Variants in TNXB observed in about 807,000 individuals in gnomAD.
The protein encoded by TNXB is tenascin-X.
TNXB carries 183 observed loss-of-function variants against 340.5 expected under a neutral mutation model. That is an observed-to-expected ratio of 0.54 (90% CI 0.48 to 0.61). TNXB has a LOEUF of 0.61. TNXB is among the 20% of genes least tolerant of loss of function. The probability of loss-of-function intolerance (pLI) is 0.00; values close to 1 mark genes in which losing one functional copy is unlikely to be tolerated. For missense variants in TNXB, 4,613 were observed against 5,446.4 expected, an observed-to-expected ratio of 0.85 and a Z score of 4.82; for synonymous variants, 2,121 against 2,314.5, an observed-to-expected ratio of 0.92 and a Z score of 2.40.
Position 32,087,298 on chromosome 6 carries a change from A to G in TNXB, c.2780-1180T>C. 2.0e-6 allele frequency: 1 copy of G among 499,016 alleles called. No individual in the cohort carries two copies. The highest frequency in any genetic ancestry group is 1.5e-5 in the South Asian group (1 of 68,340). 30.9% of individuals were successfully genotyped at this position (499,016 alleles called of 1,614,324 possible). On this transcript the variant is annotated intron_variant, in intron 6 of 43. Coordinates refer to ENST00000644971, the MANE Select transcript of TNXB (RefSeq NM_001365276.2). The surrounding 1 kb of genome is among the most constrained non-coding windows in gnomAD (Gnocchi z 9.0). ...GGACTTGGAGGTCTGCCCCGCCCGC[A>G]CCCCGTGGACCTCCACGTGGTAGGT...
At chr6:32,048,265 G>A (rs954658262) in intron 29 of TNXB, 98 bp downstream of exon 29, 1 of 1,307,030 alleles carries the variant, frequency 7.7e-7, no homozygotes. Context: ...ATCAGTGGGT[G>A]CTGAGGACTG....
rs773053291 is a variant in TNXB at position 32,087,915 on chromosome 6, G to T, written c.2779+870C>A. 2 of 341,112 alleles carry T rather than the reference G, an allele frequency of 5.9e-6. No homozygotes were observed. The highest frequency in any genetic ancestry group is 1.1e-5 in the Non-Finnish European group (2 of 177,076). 21.1% of individuals were successfully genotyped at this position (341,112 alleles called of 1,614,324 possible). On this transcript the variant is annotated intron_variant, in intron 6 of 43. Transcript: ENST00000644971. This position sits in a 1 kb window ranked among gnomAD's most constrained non-coding sequence, Gnocchi z 9.0. Reference sequence around the variant, plus strand: ...GCCAAGGGGGCCGTGGGGGCCGCGGGGCTGGGGCTGGCCGGGGCCGGGACT... The same window carrying T: ...GCCAAGGGGGCCGTGGGGGCCGCGGTGCTGGGGCTGGCCGGGGCCGGGACT...
chr6:32,107,947 G>C (rs1781060335), intron 1 of TNXB, among the ~76,000 whole-genome samples: 1 of 152,184 alleles, frequency 6.6e-6, no homozygotes, highest in Admixed American at 6.5e-5. Flanking sequence ...GGAGGGGTAG[G>C]TTGGGGAATC....
rs559819849 is a variant in TNXB at position 32,052,737 on chromosome 6, G to A, written c.9048C>T (p.Tyr3016=). 1 of 1,613,798 alleles carries A rather than the reference G, an allele frequency of 6.2e-7. No individual in the cohort carries two copies. The highest frequency in any genetic ancestry group is 2.2e-5 in the East Asian group (1 of 44,860). The change falls in exon 26 of 44, where the codon TAC becomes TAT. Residue 3016 remains tyrosine, a synonymous_variant. Transcript: ENST00000644971. This position sits in a 1 kb window ranked among gnomAD's most constrained non-coding sequence, Gnocchi z 4.7. ...CGTGGAGGCCGTACAGGTGCATCTT[G>A]TATTTGCACCCGGGCTCCAGGCCCC... The part of the protein sequence containing the change: ...TVGGLEPGCK[Y]KMHLYGLHEG...
At position 32,099,865 on chromosome 6, in the gene TNXB, C is replaced by T. The variant is rs1390538184; in HGVS notation, c.-8-1659G>A. Among the ~76,000 whole-genome samples the T allele has an allele frequency of 2.7e-5, 4 of 147,644 alleles. No homozygotes were observed. The East Asian group carries it at 6.0e-4, about 22-fold the overall frequency. On this transcript the variant is annotated intron_variant, in intron 1 of 43. Transcript: ENST00000644971. Reference sequence around the variant, plus strand: ...CACACATATGTGGTCAACTAATTAACGACAAAAGTGCCCCTGCAGTTAAGA... The same window carrying T: ...CACACATATGTGGTCAACTAATTAATGACAAAAGTGCCCCTGCAGTTAAGA...
At chr6:32,077,658 T>C (rs566504381) in intron 11 of TNXB, among the ~76,000 whole-genome samples, 1 of 152,328 alleles carries the variant, frequency 6.6e-6, no homozygotes, top group Admixed American at 6.5e-5. Flanking sequence ...GATGTGGCCC[T>C]GTAACCAGGC....
intron 11 of TNXB, among the ~76,000 whole-genome samples, chr6:32,076,608 G>A (rs1159508540): frequency 1.3e-5 from 2 of 152,200 alleles, no homozygotes; most frequent in Non-Finnish European, 2.9e-5. Context: ...ACCTTTAACC[G>A]TGACAACAAG....
Position 32,065,000 on chromosome 6 carries a change from A to C in TNXB, c.6662T>G (p.Phe2221Cys). 1 of 1,612,422 alleles carries C rather than the reference A, an allele frequency of 6.2e-7. No homozygotes were observed. The highest frequency in any genetic ancestry group is 8.5e-7 in the Non-Finnish European group (1 of 1,179,662). Residue 2221 changes from phenylalanine to cysteine, a missense_variant, in exon 19 of 44, where the codon TTT becomes TGT. Phe to Cys is a radical substitution (Grantham distance 205). Coordinates refer to ENST00000644971, the MANE Select transcript of TNXB (RefSeq NM_001365276.2). The surrounding 1 kb of genome is among the most constrained non-coding windows in gnomAD (Gnocchi z 5.3). The part of the protein sequence containing the change: ...SLSWTVPEGQ[F>C]DHFLVQFKNG... Reference sequence around the variant, plus strand: ...CTTAAACTGGACCAAGAAATGGTCAAACTGGCCCTCGGGGACTGTCCAGGA... The same window carrying C: ...CTTAAACTGGACCAAGAAATGGTCACACTGGCCCTCGGGGACTGTCCAGGA...
rs1054531291 is a variant in TNXB at position 32,080,250 on chromosome 6, G to A, written c.4043-885C>T. Among the ~76,000 whole-genome samples, 33 of 150,710 alleles carry A rather than the reference G, an allele frequency of 2.2e-4. No individual in the cohort carries two copies. Among genetic ancestry groups the A allele is most frequent in the Middle Eastern group, 3.4e-3 (1 of 294 alleles). ...TTTTGAGATGGAGTCTCACTCTGTCGCCCAGGCTGGAATGCAGTGGCGCGA... is the reference window on the plus strand; with the variant it reads ...TTTTGAGATGGAGTCTCACTCTGTCACCCAGGCTGGAATGCAGTGGCGCGA... On this transcript the variant is annotated intron_variant, in intron 10 of 43. Coordinates refer to ENST00000644971, the MANE Select transcript of TNXB (RefSeq NM_001365276.2). This position sits in a 1 kb window ranked among gnomAD's most constrained non-coding sequence, Gnocchi z 4.3.
rs751430201 is a variant in TNXB at position 32,056,776 on chromosome 6, G to C, written c.7953C>G (p.Pro2651=). ...PDSLSLSWTV[P]EGQFDHFLVQ... The stretch of plus-strand genomic sequence containing the variant: ...CCAGGAAGTGGTCAAACTGGCCCTC[G>C]GGAACCGTCCAGGACAGGCTGAGGG... The change falls in exon 23 of 44, where the codon CCC becomes CCG. Residue 2651 remains proline, a synonymous_variant. Coordinates refer to ENST00000644971, the MANE Select transcript of TNXB (RefSeq NM_001365276.2). The C allele has an allele frequency of 6.2e-7, 1 of 1,613,294 alleles. No individual in the cohort carries two copies. Among genetic ancestry groups the C allele is most frequent in the Non-Finnish European group, 8.5e-7 (1 of 1,179,846 alleles).
Position 32,069,268 on chromosome 6 carries a change from G to C in TNXB, c.5588-132C>G, listed in dbSNP as rs1778608021. The C allele has an allele frequency of 1.1e-6, 1 of 937,538 alleles. No homozygotes were observed. The highest frequency in any genetic ancestry group is 2.6e-5 in the East Asian group (1 of 37,846). The allele number at this position is 937,538 out of a possible 1,614,324, so 58.1% of individuals were successfully genotyped here. ...AAAGACCAGCTTTTGCTGCACATGGGTGAATTTCAAAAGCATTGTGCTAAT... is the reference window on the plus strand; with the variant it reads ...AAAGACCAGCTTTTGCTGCACATGGCTGAATTTCAAAAGCATTGTGCTAAT... On this transcript the variant is annotated intron_variant, in intron 15 of 43. Coordinates refer to ENST00000644971, the MANE Select transcript of TNXB (RefSeq NM_001365276.2). This position sits in a 1 kb window ranked among gnomAD's most constrained non-coding sequence, Gnocchi z 6.2.
At position 32,058,228 on chromosome 6, in the gene TNXB, A is replaced by T; in HGVS notation, c.7655T>A (p.Phe2552Tyr). The T allele has an allele frequency of 6.2e-7, 1 of 1,612,412 alleles. No homozygotes were observed. The highest frequency in any genetic ancestry group is 8.5e-7 in the Non-Finnish European group (1 of 1,179,840). The change falls in exon 22 of 44, where the codon TTC (phenylalanine) becomes TAC (tyrosine). Residue 2552 changes from phenylalanine to tyrosine, a missense_variant. Phe to Tyr is a conservative substitution (Grantham distance 22). Transcript: ENST00000644971. The surrounding 1 kb of genome is among the most constrained non-coding windows in gnomAD (Gnocchi z 5.1). Reference protein sequence around the residue: ...WTVPQGRFDSFTVQYKDRDGR... With the variant: ...WTVPQGRFDSYTVQYKDRDGR... ...GTCCCTGTCCTTGTACTGCACGGTG[A>T]AGGAGTCAAAGCGGCCCTGGGGGAC...
rs1776968581 is a variant in TNXB, at chr6:32,047,508, G to A, written c.10324+226C>T. On this transcript the variant is annotated intron_variant, in intron 30 of 43. Transcript: ENST00000644971. The surrounding 1 kb of genome is among the most constrained non-coding windows in gnomAD (Gnocchi z 6.2). ...ACTGGAACTGGAACACAGATCTGCT[G>A]GCCCCAAAGCCCGTGTCCCTTTTAT... 6.6e-6 allele frequency among the ~76,000 whole-genome samples: 1 copy of A among 152,212 alleles called. No individual in the cohort carries two copies. Among genetic ancestry groups the A allele is most frequent in the Admixed American group, 6.5e-5 (1 of 15,280 alleles).
At chr6:32,048,687 A>G in intron 28 of TNXB, 37 bp from the exon 29 acceptor site, 1 of 1,400,152 alleles carries the variant, frequency 7.1e-7, no homozygotes, top group Non-Finnish European at 9.3e-7. Context: ...GTCAGGAGGC[A>G]GGACCCTGCG....
Position 32,084,534 on chromosome 6 carries a change from C to T in TNXB, c.3324G>A (p.Val1108=). Residue 1108 remains valine (V), a synonymous_variant, in exon 8 of 44, where the codon GTG becomes GTA. Coordinates refer to ENST00000644971, the MANE Select transcript of TNXB (RefSeq NM_001365276.2). This position sits in a 1 kb window ranked among gnomAD's most constrained non-coding sequence, Gnocchi z 5.5. Reference sequence around the variant, plus strand: ...TGACGGCCGAGCGCTGGGGTCCTTCCACGGGCACCACCTGGGGCTGCCCGT... The same window carrying T: ...TGACGGCCGAGCGCTGGGGTCCTTCTACGGGCACCACCTGGGGCTGCCCGT... The part of the protein sequence containing the change: ...DRDGQPQVVP[V]EGPQRSAVIT... 3 of 1,608,886 alleles carry T rather than the reference C, an allele frequency of 1.9e-6. No homozygotes were observed. Among genetic ancestry groups the T allele is most frequent in the Non-Finnish European group, 2.5e-6 (3 of 1,178,676 alleles).
At position 32,082,467 on chromosome 6, in the gene TNXB, C is replaced by T; in HGVS notation, c.3446-141G>A. 1 of 866,090 alleles carries T rather than the reference C, an allele frequency of 1.2e-6. No homozygotes were observed. Among genetic ancestry groups the T allele is most frequent in the East Asian group, 2.5e-5 (1 of 39,972 alleles). 53.7% of individuals were successfully genotyped at this position (866,090 alleles called of 1,614,324 possible). A position where few individuals can be genotyped will look rare whatever the true frequency, so the allele number is the denominator to read the frequency against. On this transcript the variant is annotated intron_variant, in intron 8 of 43. Transcript: ENST00000644971. This position sits in a 1 kb window ranked among gnomAD's most constrained non-coding sequence, Gnocchi z 5.0. The stretch of plus-strand genomic sequence containing the variant: ...CATTTGCTGAGGGAGTACAGAGGGA[C>T]TGAAATCCAGCCAGCACTCTGCTTG...
intron 21 of TNXB, among the ~76,000 whole-genome samples, chr6:32,059,418 CAAA>C (rs571985819): frequency 2.7e-5 from 1 of 36,520 alleles, no homozygotes; most frequent in Non-Finnish European, 5.6e-5. Context: ...GACTCAGTCT[CAAA>C]AAAAAAAAAA....
chr6:32,053,091 C>T (rs921086049), intron 25 of TNXB, 98 bp from the exon 26 acceptor site: 1 of 1,347,256 alleles, frequency 7.4e-7, no homozygotes, highest in Non-Finnish European at 1.0e-6. Flanking sequence ...GAGTGGGGGT[C>T]CTGGGGTCAG....
chr6:32,078,771 T>G (rs1779258144), intron 11 of TNXB: 1 of 486,776 alleles, frequency 2.1e-6, no homozygotes, highest in Non-Finnish European at 3.6e-6. Flanking sequence ...TTTACATCTG[T>G]TAACTCACTT....
Sources: allele counts gnomAD v4.1 joint callset (sites outside exome capture counted in the v4.1 genomes callset), GRCh38; gene constraint gnomAD v4.1.1; non-coding constraint Gnocchi (gnomAD v3.1); transcripts MANE v1.5; gene names NCBI Gene and HGNC (gene_info 2026-07-23, HGNC 2026-07-21).